CDH20: variants seen among roughly 807,000 people sequenced by gnomAD.
CDH20 encodes the protein cadherin 20, also known as cadherin-20.
In CDH20, 29 loss-of-function variants were observed where a neutral mutation model predicts 74.2. That is an observed-to-expected ratio of 0.39 (90% CI 0.29 to 0.53). The LOEUF is 0.53. Among genes scored for constraint, CDH20 ranks in the 20% least tolerant of loss-of-function variants. The pLI, the probability that CDH20 is intolerant of heterozygous loss-of-function variation, is 0.69. For missense variants in CDH20, 988 were observed against 1,048.3 expected, an observed-to-expected ratio of 0.94 and a Z score of 0.79; for synonymous variants, 469 against 405.4, an observed-to-expected ratio of 1.16 and a Z score of -1.88.
At chr18:61,534,616 C>T (rs976754345) in intron 7 of CDH20, among the ~76,000 whole-genome samples, 2 of 152,132 alleles carry the variant, frequency 1.3e-5, no homozygotes, top group African/African-American at 2.4e-5. Context: ...TGAATCTAGA[C>T]GACATTATGC....
intron 1 of CDH20, among the ~76,000 whole-genome samples, chr18:61,385,988 T>TA (rs77931929): frequency 0.036 from 5,355 of 150,630 alleles, 187 homozygotes; most frequent in South Asian, 0.15. Flanking sequence ...GATTAACATG[T>TA]AAAAAAAAAT....
intron 6 of CDH20, among the ~76,000 whole-genome samples, chr18:61,521,991 C>A (rs1321855333): frequency 6.6e-6 from 1 of 152,198 alleles, no homozygotes; most frequent in Non-Finnish European, 1.5e-5. Context: ...TGGAAGCATT[C>A]CCTTTGAAAA....
chr18:61,515,348 C>T (rs1463170318), intron 6 of CDH20, among the ~76,000 whole-genome samples: 2 of 152,124 alleles, frequency 1.3e-5, no homozygotes, highest in African/African-American at 4.8e-5. Context: ...AATGCCTCGC[C>T]CTGCTTCGGC....
At position 61,490,477 on chromosome 18, in the gene CDH20, A is replaced by T. The variant is rs1229458439; in HGVS notation, c.-77A>T. On this transcript the variant is annotated 5_prime_UTR_variant, in exon 2 of 12. Coordinates refer to ENST00000262717, the MANE Select transcript of CDH20 (RefSeq NM_031891.4). ...ATAAGTGTCCAATCAAAAACTGTGT[A>T]TTTTTTTAAATTTGGAAAATACTCA... 6.8e-7 allele frequency: 1 copy of T among 1,461,306 alleles called. No individual in the cohort carries two copies. The highest frequency in any genetic ancestry group is 9.5e-7 in the Non-Finnish European group (1 of 1,057,470). 90.5% of individuals were successfully genotyped at this position (1,461,306 alleles called of 1,614,324 possible). A position where few individuals can be genotyped will look rare whatever the true frequency, so the allele number is the denominator to read the frequency against.
At chr18:61,538,562 A>C (rs1599155461) in intron 8 of CDH20, among the ~76,000 whole-genome samples, 9 of 137,494 alleles carry the variant, frequency 6.5e-5, no homozygotes, top group African/African-American at 1.1e-4. Context: ...ATCCAGACTC[A>C]CCAAGTAAAT....
intron 7 of CDH20, among the ~76,000 whole-genome samples, chr18:61,534,719 T>C (rs1599153013): frequency 1.3e-5 from 2 of 152,112 alleles, no homozygotes; most frequent in Non-Finnish European, 2.9e-5. Flanking sequence ...GAGAGTACAA[T>C]AGTGATTGCC....
intron 6 of CDH20, among the ~76,000 whole-genome samples, chr18:61,513,250 T>C (rs1464171244): frequency 6.9e-6 from 1 of 144,250 alleles, no homozygotes; most frequent in African/African-American, 2.6e-5. Flanking sequence ...CCCTTTACCA[T>C]TATGTAATGG....
chr18:61,525,148 A>G lies in CDH20; in HGVS notation c.1018-2819A>G, dbSNP rs192750366. 1.4e-4 allele frequency among the ~76,000 whole-genome samples: 22 copies of G among 152,300 alleles called. No individual in the cohort carries two copies. In the East Asian group the frequency reaches 4.2e-3, roughly 29 times the overall value. On this transcript the variant is annotated intron_variant, in intron 6 of 11. Coordinates refer to ENST00000262717, the MANE Select transcript of CDH20 (RefSeq NM_031891.4). Reference sequence around the variant, plus strand: ...CAGAGAGGGTCACGGGGGTTTTGAAACAGCTCTATAGCTTGATTATCACGG... The same window carrying G: ...CAGAGAGGGTCACGGGGGTTTTGAAGCAGCTCTATAGCTTGATTATCACGG...
chr18:61,343,902 T>C (rs1453730507), intron 1 of CDH20, among the ~76,000 whole-genome samples: 1 of 152,148 alleles, frequency 6.6e-6, no homozygotes, highest in Non-Finnish European at 1.5e-5. Flanking sequence ...TGAACTGCCC[T>C]ACAGTGAAGT....
At chr18:61,511,507 C>T (rs1436748951) in intron 6 of CDH20, among the ~76,000 whole-genome samples, 2 of 152,070 alleles carry the variant, frequency 1.3e-5, no homozygotes, top group Non-Finnish European at 2.9e-5. Context: ...AGTACGAAAA[C>T]TCTATTCAAA....
chr18:61,513,850 G>A (rs1262322262), intron 6 of CDH20, among the ~76,000 whole-genome samples: 7 of 151,934 alleles, frequency 4.6e-5, no homozygotes, highest in African/African-American at 1.4e-4. Flanking sequence ...TGGCTTGTAG[G>A]GTTTCTGCCG....
rs1909396034 is a variant in CDH20, at chr18:61,451,782, C to G, written c.-152-38620C>G. ...ATCAAGAGAAGCATTCTTGGAGAATCAGTTGACTGAAAAGTTTACATACTT... is the reference window on the plus strand; with the variant it reads ...ATCAAGAGAAGCATTCTTGGAGAATGAGTTGACTGAAAAGTTTACATACTT... On this transcript the variant is annotated intron_variant, in intron 1 of 11. Coordinates refer to ENST00000262717, the MANE Select transcript of CDH20 (RefSeq NM_031891.4). 2.6e-5 allele frequency among the ~76,000 whole-genome samples: 4 copies of G among 151,890 alleles called. No individual in the cohort carries two copies. The South Asian group carries it at 8.3e-4, about 32-fold the overall frequency.
At position 61,457,241 on chromosome 18, in the gene CDH20, C is replaced by A. The variant is rs957161539; in HGVS notation, c.-152-33161C>A. 2.3e-4 allele frequency among the ~76,000 whole-genome samples: 35 copies of A among 152,162 alleles called. No homozygotes were observed. In the Middle Eastern group the frequency reaches 0.01, roughly 44 times the overall value. On this transcript the variant is annotated intron_variant, in intron 1 of 11. Transcript: ENST00000262717. ...TAATTATAGTTTAATAAAATGAGCT[C>A]TGGGATGTGAATCTAGAACACCTGG...
At chr18:61,395,124 A>T (rs1157120255) in intron 1 of CDH20, among the ~76,000 whole-genome samples, 1 of 151,892 alleles carries the variant, frequency 6.6e-6, no homozygotes, top group Non-Finnish European at 1.5e-5. Flanking sequence ...TTCACACTGT[A>T]CCCTCTGCTC....
chr18:61,494,342 G>T (rs1911059462), intron 2 of CDH20, among the ~76,000 whole-genome samples: 1 of 152,118 alleles, frequency 6.6e-6, no homozygotes, highest in Non-Finnish European at 1.5e-5. Context: ...GTAGTTCTTA[G>T]CTGTGTAGCA....
intron 11 of CDH20, 94 bp from the exon 12 acceptor site, chr18:61,554,096 T>C (rs1913532041): frequency 6.8e-7 from 1 of 1,466,066 alleles, no homozygotes; most frequent in Non-Finnish European, 9.3e-7. Context: ...TCGGTAGCCC[T>C]TCCCCTATCC....
At chr18:61,540,473 C>T (rs9959074) in intron 9 of CDH20, among the ~76,000 whole-genome samples, 3,133 of 151,964 alleles carry the variant, frequency 0.021, 93 homozygotes, top group African/African-American at 0.071. Flanking sequence ...CGGTGGAAGG[C>T]GAAAGGCACA....
intron 5 of CDH20, among the ~76,000 whole-genome samples, chr18:61,504,285 G>A (rs1599131830): frequency 6.6e-6 from 1 of 152,174 alleles, no homozygotes; most frequent in Non-Finnish European, 1.5e-5. Flanking sequence ...AACTGCTAAG[G>A]ACTTAAGGAA....
chr18:61,404,220 A>G (rs975888519), intron 1 of CDH20, among the ~76,000 whole-genome samples: 2 of 152,234 alleles, frequency 1.3e-5, no homozygotes, highest in Non-Finnish European at 2.9e-5. Context: ...AGAACTTAAA[A>G]TAAAATTCAA....
Sources: allele counts gnomAD v4.1 joint callset (sites outside exome capture counted in the v4.1 genomes callset), GRCh38; gene constraint gnomAD v4.1.1; transcripts MANE v1.5; gene names NCBI Gene and HGNC (gene_info 2026-07-23, HGNC 2026-07-21).